The following AKAP13 variants were observed in gnomAD, a reference collection of about 807,000 sequenced individuals.
AKAP13 encodes A-kinase anchoring protein 13, also known as A-kinase anchor protein 13.
Under a neutral mutation model 264.5 loss-of-function variants are expected in AKAP13, and 80 were observed. That is an observed-to-expected ratio of 0.30 (90% CI 0.25 to 0.36). The LOEUF is 0.36. Among genes scored for constraint, AKAP13 ranks in the 10% least tolerant of loss-of-function variants. The pLI is 1.00. For synonymous variants in AKAP13, 1,380 were observed against 1,250.2 expected (o/e 1.10, Z -2.19); for missense variants, 3,712 against 3,435.2 (o/e 1.08, Z -2.01).
At chr15:85,649,363 G>A (rs748300888) in intron 10 of AKAP13, among the ~76,000 whole-genome samples, 3 of 152,162 alleles carry the variant, frequency 2.0e-5, no homozygotes, top group Admixed American at 6.5e-5. Flanking sequence ...TTAAATAAAA[G>A]CGTGGCACTG....
chr15:85,563,977 T>C (rs1310073175), intron 5 of AKAP13, among the ~76,000 whole-genome samples: 2 of 152,230 alleles, frequency 1.3e-5, no homozygotes. Flanking sequence ...AAACTGCTAA[T>C]GTATGTGGTA....
intron 14 of AKAP13, among the ~76,000 whole-genome samples, chr15:85,677,998 AT>A (rs147049282): frequency 0.02 from 3,009 of 152,090 alleles, 37 homozygotes; most frequent in Non-Finnish European, 0.034. Context: ...TTGAACTTTT[AT>A]TTTTACTTCT....
intron 3 of AKAP13, among the ~76,000 whole-genome samples, chr15:85,526,373 C>A (rs928598409): frequency 6.6e-6 from 1 of 152,162 alleles, no homozygotes; most frequent in South Asian, 2.1e-4. Flanking sequence ...TATTCTTATA[C>A]CTCAGCCTCC....
At chr15:85,561,081 C>T (rs1044783323) in intron 5 of AKAP13, among the ~76,000 whole-genome samples, 12 of 122,524 alleles carry the variant, frequency 9.8e-5, no homozygotes, top group East Asian at 2.5e-4. Flanking sequence ...TTTTTTAAGA[C>T]GGAGTTTGAC....
Position 85,476,171 on chromosome 15 carries a change from A to G in AKAP13, c.-11-9539A>G, listed in dbSNP as rs542706668. Among the ~76,000 whole-genome samples, 7 of 152,300 alleles carry G rather than the reference A, an allele frequency of 4.6e-5. No homozygotes were observed. In the East Asian group the frequency reaches 1.3e-3, roughly 29 times the overall value. On this transcript the variant is annotated intron_variant, in intron 1 of 36. Transcript: ENST00000394518. ...TGAGCATGGTGCATGCATGTGAGGT[A>G]TGCAGGGACTGGATGGAAGGTGTGG...
chr15:85,743,346 G>C, intron 35 of AKAP13, 146 bp from the exon 36 acceptor site: 1 of 757,314 alleles, frequency 1.3e-6, no homozygotes, highest in Non-Finnish European at 2.1e-6. Flanking sequence ...GCTCTATGCA[G>C]TCCACAGACG....
At chr15:85,640,655 G>A (rs540953216) in intron 9 of AKAP13, among the ~76,000 whole-genome samples, 78 of 152,240 alleles carry the variant, frequency 5.1e-4, no homozygotes, top group African/African-American at 1.8e-3. Context: ...CCCCCATGTA[G>A]CCTCCTAGAA....
chr15:85,381,520 G>GTTTT (rs1567029535), intron 1 of AKAP13, among the ~76,000 whole-genome samples: 14 of 44,760 alleles, frequency 3.1e-4, no homozygotes, highest in Non-Finnish European at 5.7e-4. Flanking sequence ...ACGGTTTACT[G>GTTTT]CTTTTTTTTT....
At chr15:85,740,996 C>A in intron 34 of AKAP13, 50 bp from the exon 35 acceptor site, 1 of 1,549,644 alleles carries the variant, frequency 6.5e-7, no homozygotes, top group South Asian at 1.2e-5. Context: ...TCCAGAAGCT[C>A]GCTGTCGTCC....
Position 85,585,668 on chromosome 15 carries a change from A to T in AKAP13, c.4040-34A>T, listed in dbSNP as rs747933672. 8 of 1,612,758 alleles carry T rather than the reference A, an allele frequency of 5.0e-6. No homozygotes were observed. The East Asian group carries it at 8.9e-5, about 18-fold the overall frequency. On this transcript the variant is annotated intron_variant, in intron 7 of 36. Coordinates refer to ENST00000394518, the MANE Select transcript of AKAP13 (RefSeq NM_007200.5). The stretch of plus-strand genomic sequence containing the variant: ...TAGTAAGGCACAGGAATCAGTTTTT[A>T]AAAATGTACTCTGTAACCCCCCTGC...
rs1567038735 is a variant in AKAP13, at chr15:85,399,535, A to AAAAAT, written c.-12+18740_-12+18741insATAAA. On this transcript the variant is annotated intron_variant, in intron 1 of 36. Transcript: ENST00000394518. ...AAAAAAAAAAAAATAAAAAAATAAA[A>AAAAAT]AAATAAATAAATAAATAAATAAAGT... 8.6e-4 allele frequency among the ~76,000 whole-genome samples: 91 copies of AAAAAT among 105,560 alleles called. 2 individuals are homozygous for AAAAAT. Among genetic ancestry groups the AAAAAT allele is most frequent in the African/African-American group, 2.3e-3 (57 of 24,564 alleles). The allele number at this position is 105,560 out of a possible 152,430, so 69.3% of individuals were successfully genotyped here.
chr15:85,673,650 A>T (rs1218221259), intron 14 of AKAP13, among the ~76,000 whole-genome samples: 3 of 141,000 alleles, frequency 2.1e-5, no homozygotes, highest in African/African-American at 8.1e-5. Flanking sequence ...ATTACAGATG[A>T]TCCCTTTCTT....
chr15:85,403,953 T>C (rs2071550800), intron 1 of AKAP13, among the ~76,000 whole-genome samples: 1 of 152,054 alleles, frequency 6.6e-6, no homozygotes, highest in Non-Finnish European at 1.5e-5. Flanking sequence ...GAAATCAGGT[T>C]GGAATACTGC....
chr15:85,711,595 T>C (rs1037369932), intron 19 of AKAP13, among the ~76,000 whole-genome samples: 2 of 152,248 alleles, frequency 1.3e-5, no homozygotes, highest in Admixed American at 6.5e-5. Context: ...TTCATAAGCA[T>C]ATTTCACATT....
intron 10 of AKAP13, among the ~76,000 whole-genome samples, chr15:85,649,032 A>T (rs72764203): frequency 0.061 from 9,327 of 152,194 alleles, 419 homozygotes; most frequent in Admixed American, 0.16. Flanking sequence ...CTTTGCAATA[A>T]ATGTTTGCTC....
At chr15:85,591,267 A>G (rs1355539992) in intron 8 of AKAP13, among the ~76,000 whole-genome samples, 2 of 152,208 alleles carry the variant, frequency 1.3e-5, no homozygotes, top group African/African-American at 4.8e-5. Context: ...ATCTGAGGGT[A>G]CACTTGGGAA....
chr15:85,736,774 T>A (rs1482983736), intron 33 of AKAP13, among the ~76,000 whole-genome samples: 1 of 152,182 alleles, frequency 6.6e-6, no homozygotes. Context: ...CTAAGCACAC[T>A]GAGTAGAATT....
intron 8 of AKAP13, among the ~76,000 whole-genome samples, chr15:85,615,248 G>T (rs1229278466): frequency 6.6e-6 from 1 of 152,224 alleles, no homozygotes; most frequent in Non-Finnish European, 1.5e-5. Context: ...AAGGAAAGGA[G>T]CTGTTGGCTA....
At chr15:85,484,801 A>G (rs1460094062) in intron 1 of AKAP13, among the ~76,000 whole-genome samples, 2 of 152,216 alleles carry the variant, frequency 1.3e-5, no homozygotes, top group Non-Finnish European at 2.9e-5. Flanking sequence ...ATTTGTTAGA[A>G]TACAAAGTTT....
Sources: allele counts gnomAD v4.1 joint callset (sites outside exome capture counted in the v4.1 genomes callset), GRCh38; gene constraint gnomAD v4.1.1; transcripts MANE v1.5; gene names NCBI Gene and HGNC (gene_info 2026-07-23, HGNC 2026-07-21).